Variants in OR13G1 observed in about 807,000 individuals in gnomAD.
The protein encoded by OR13G1 is olfactory receptor 13G1.
For missense variants in OR13G1, 369 were observed against 385.7 expected (o/e 0.96, Z 0.36); for synonymous variants, 128 against 136.2 (o/e 0.94, Z 0.42).
chr1:247,671,289 G>T lies in OR13G1; in HGVS notation c.*829C>A, dbSNP rs1354383119. On this transcript the variant is annotated 3_prime_UTR_variant, in exon 2 of 2. Transcript: ENST00000642119. ...ATAGGCAGTGCTTCATTTGCCTCAT[G>T]AAATCTCTGTCCTTAGCCTTCATTC... is the stretch of plus-strand genomic sequence containing the variant. 1 of 152,064 alleles carries T rather than the reference G, an allele frequency of 6.6e-6. No homozygotes were observed. Among genetic ancestry groups the T allele is most frequent in the Non-Finnish European group, 1.5e-5 (1 of 67,996 alleles). The allele number at this position is 152,064 out of a possible 1,614,324, so 9.4% of individuals were successfully genotyped here. A position where few individuals can be genotyped will look rare whatever the true frequency, so the allele number is the denominator to read the frequency against.
In OR13G1 at chr1:247,672,696, C is replaced by T. The variant is rs1239408024; in HGVS notation, c.346G>A (p.Ala116Thr). The T allele has an allele frequency of 6.2e-7, 1 of 1,613,814 alleles. No individual in the cohort carries two copies. Among genetic ancestry groups the T allele is most frequent in the Non-Finnish European group, 8.5e-7 (1 of 1,179,934 alleles). Residue 116 changes from alanine (A) to threonine (T), a missense_variant, in exon 2 of 2, where the codon GCC (alanine) becomes ACC (threonine). Physicochemically the swap from Ala to Thr is moderately conservative, Grantham distance 58. Coordinates refer to ENST00000642119, the MANE Select transcript of OR13G1 (RefSeq NM_001005487.2). ...CAAATGGCCACATAGCGGTCATAGG[C>T]CATGGTGGTGAAGAGAACCATCTCA... ...GAEMVLFTTM[A>T]YDRYVAICFP...
In OR13G1 at chr1:247,672,796, C is replaced by G. The variant is rs1471761819; in HGVS notation, c.246G>C (p.Met82Ile). Residue 82 changes from methionine (M) to isoleucine (I), a missense_variant, in exon 2 of 2, where the codon ATG (methionine) becomes ATC (isoleucine). Met to Ile is a conservative substitution (Grantham distance 10). Transcript: ENST00000642119. Reference sequence around the variant, plus strand: ...ATGAAATGGTATTTTCTGATGTTAGCATGGTCCCCAGCATCTTCGGTATGA... The same window carrying G: ...ATGAAATGGTATTTTCTGATGTTAGGATGGTCCCCAGCATCTTCGGTATGA... ...TSIIPKMLGTMLTSENTISYA... is the reference protein window; with the variant it reads ...TSIIPKMLGTILTSENTISYA... The G allele has an allele frequency of 6.2e-7, 1 of 1,614,030 alleles. No individual in the cohort carries two copies. The highest frequency in any genetic ancestry group is 8.5e-7 in the Non-Finnish European group (1 of 1,179,994).
rs1239299896 is a variant in OR13G1 at position 247,671,393 on chromosome 1, C to G, written c.*725G>C. On this transcript the variant is annotated 3_prime_UTR_variant, in exon 2 of 2. Transcript: ENST00000642119. ...GGGAAAACAATATTGAAGGGCAGAA[C>G]AAGATGACTGAAGGTGCCTGTTTCA... 4 of 152,028 alleles carry G rather than the reference C, an allele frequency of 2.6e-5. No homozygotes were observed. Among genetic ancestry groups the G allele is most frequent in the Non-Finnish European group, 5.9e-5 (4 of 68,038 alleles). 9.4% of individuals were successfully genotyped at this position (152,028 alleles called of 1,614,324 possible).
rs577418555 is a variant in OR13G1, at chr1:247,678,238, A to C, written c.-239+1402T>G. Among the ~76,000 whole-genome samples, 9 of 152,364 alleles carry C rather than the reference A, an allele frequency of 5.9e-5. No homozygotes were observed. The South Asian group carries it at 1.7e-3, about 28-fold the overall frequency. On this transcript the variant is annotated intron_variant, in intron 1 of 1. Transcript: ENST00000642119. ...AAATCTGAATCCAGGGAGTCTAATGACAAAATTCACTCATGTTGCATTTTA... is the reference window on the plus strand; with the variant it reads ...AAATCTGAATCCAGGGAGTCTAATGCCAAAATTCACTCATGTTGCATTTTA...
intron 1 of OR13G1, among the ~76,000 whole-genome samples, 186 bp downstream of exon 1, chr1:247,679,452 CCT>C (rs989519588): frequency 1.2e-4 from 18 of 150,444 alleles, no homozygotes; most frequent in African/African-American, 1.7e-4. Flanking sequence ...CATAAAATCC[CCT>C]GTTTTGAATT....
chr1:247,678,467 G>T (rs929950660), intron 1 of OR13G1, among the ~76,000 whole-genome samples: 1 of 152,202 alleles, frequency 6.6e-6, no homozygotes, highest in Non-Finnish European at 1.5e-5. Flanking sequence ...TATGGGGACA[G>T]AGTGATACAA....
intron 1 of OR13G1, among the ~76,000 whole-genome samples, chr1:247,674,204 T>C (rs569806971): frequency 2.0e-5 from 3 of 152,314 alleles, no homozygotes; most frequent in African/African-American, 7.2e-5. Context: ...CTTATTTATT[T>C]TGGTACATTT....
chr1:247,673,844 A>G (rs1659266508), intron 1 of OR13G1, among the ~76,000 whole-genome samples: 1 of 152,124 alleles, frequency 6.6e-6, no homozygotes, highest in South Asian at 2.1e-4. Context: ...TAAGATTTGG[A>G]TTTATTATTT....
chr1:247,676,117 C>T (rs528203083), intron 1 of OR13G1, among the ~76,000 whole-genome samples: 304 of 152,106 alleles, frequency 2.0e-3, no homozygotes, highest in African/African-American at 6.4e-3. Context: ...ATTTTTAAGA[C>T]ATTCTTCAAG....
At chr1:247,677,665 C>T (rs1452241014) in intron 1 of OR13G1, among the ~76,000 whole-genome samples, 1 of 152,198 alleles carries the variant, frequency 6.6e-6, no homozygotes, top group Non-Finnish European at 1.5e-5. Flanking sequence ...CAAATAAACA[C>T]TGGCAACCTT....
chr1:247,671,883 A>C lies in OR13G1; in HGVS notation c.*235T>G. 1 of 483,770 alleles carries C rather than the reference A, an allele frequency of 2.1e-6. No individual in the cohort carries two copies. Among genetic ancestry groups the C allele is most frequent in the Non-Finnish European group, 3.6e-6 (1 of 275,894 alleles). 30.0% of individuals were successfully genotyped at this position (483,770 alleles called of 1,614,324 possible). On this transcript the variant is annotated 3_prime_UTR_variant, in exon 2 of 2. Transcript: ENST00000642119. ...GAAGTTATGTACATATTTTTGGAAA[A>C]TGTTGGAATATATATTATGACATAT... is the stretch of plus-strand genomic sequence containing the variant.
chr1:247,676,308 T>C (rs1190201374), intron 1 of OR13G1, among the ~76,000 whole-genome samples: 6 of 152,150 alleles, frequency 3.9e-5, no homozygotes, highest in Admixed American at 3.9e-4. Flanking sequence ...AAATCATGTT[T>C]TAGTATGTGA....
Position 247,672,422 on chromosome 1 carries a change from TC to T in OR13G1, c.619del (p.Asp207ThrfsTer22), listed in dbSNP as rs778208034. On this transcript the variant is annotated frameshift_variant, in exon 2 of 2. Coordinates refer to ENST00000642119, the MANE Select transcript of OR13G1 (RefSeq NM_001005487.2). LOFTEE classifies it low-confidence loss of function (END_TRUNC). ...YVADITLAIG[D>X]FILTCISYGF... ...ATAGGAGATGCAGGTAAGAATAAAG[TC>T]CCCTATGGCCAGGGTAATATCAGCA... 1 of 1,614,036 alleles carries T rather than the reference TC, an allele frequency of 6.2e-7. No homozygotes were observed. The highest frequency in any genetic ancestry group is 1.1e-5 in the South Asian group (1 of 91,082).
chr1:247,677,123 A>G (rs752690991), intron 1 of OR13G1, among the ~76,000 whole-genome samples: 2 of 152,074 alleles, frequency 1.3e-5, no homozygotes, highest in Non-Finnish European at 2.9e-5. Flanking sequence ...CCGGCCTGTA[A>G]TCCCAGCTAC....
chr1:247,676,541 A>C (rs1325135839), intron 1 of OR13G1, among the ~76,000 whole-genome samples: 1 of 152,190 alleles, frequency 6.6e-6, no homozygotes, highest in South Asian at 2.1e-4. Context: ...TTATGCTATT[A>C]GATTATGACG....
Position 247,672,001 on chromosome 1 carries a change from G to A in OR13G1, c.*117C>T. The A allele has an allele frequency of 1.3e-6, 1 of 768,486 alleles. No individual in the cohort carries two copies. Among genetic ancestry groups the A allele is most frequent in the Non-Finnish European group, 2.1e-6 (1 of 483,196 alleles). The allele number at this position is 768,486 out of a possible 1,614,324, so 47.6% of individuals were successfully genotyped here. On this transcript the variant is annotated 3_prime_UTR_variant, in exon 2 of 2. Coordinates refer to ENST00000642119, the MANE Select transcript of OR13G1 (RefSeq NM_001005487.2). ...AGACAATGAGACTGCTAGGAAGAAG[G>A]CAGGAATAAGAGGGAAGGGAAAATT...
intron 1 of OR13G1, among the ~76,000 whole-genome samples, 152 bp downstream of exon 1, chr1:247,679,486 TTG>T (rs56753299): frequency 0.2 from 29,087 of 144,394 alleles, 2,773 homozygotes; most frequent in East Asian, 0.23. Flanking sequence ...CGCGGATGGA[TTG>T]TGTGTGTGTG....
intron 1 of OR13G1, among the ~76,000 whole-genome samples, chr1:247,675,018 T>C (rs1151660): frequency 0.37 from 56,419 of 151,980 alleles, 11,808 homozygotes; most frequent in East Asian, 0.59. Flanking sequence ...CTTTGAAAGA[T>C]CTGAACTGAA....
chr1:247,675,104 T>C (rs1264703670), intron 1 of OR13G1, among the ~76,000 whole-genome samples: 1 of 152,164 alleles, frequency 6.6e-6, no homozygotes, highest in Non-Finnish European at 1.5e-5. Flanking sequence ...TCTGGTCATT[T>C]CATCTTAATC....
Sources: gnomAD v4.1 joint callset for allele counts (sites outside exome capture counted in the v4.1 genomes callset) on GRCh38, gnomAD v4.1.1 for gene constraint, MANE v1.5 for transcripts, NCBI Gene and HGNC (gene_info 2026-07-23, HGNC 2026-07-21) for gene names.